GPR173: variants seen among roughly 807,000 people sequenced by gnomAD.
GPR173 encodes the protein probable G protein-coupled receptor 173.
In GPR173, 2 loss-of-function variants were observed where a neutral mutation model predicts 13.9. The ratio of observed to expected loss-of-function variants is 0.14; its 90% confidence interval spans 0.06 to 0.45. GPR173 has a LOEUF of 0.45. GPR173 is among the 20% of genes least tolerant of loss of function. The pLI is 0.98. For synonymous variants in GPR173, 131 were observed against 141.0 expected (o/e 0.93, Z 0.50); for missense variants, 202 against 340.5 (o/e 0.59, Z 3.20).
At chrX:53,049,751 G>A (rs1359441546) in intron 1 of GPR173, among the ~76,000 whole-genome samples, 4 of 111,846 alleles carry the variant, frequency 3.6e-5, no homozygotes, top group Non-Finnish European at 7.5e-5. Context: ...CATCATGGTT[G>A]CGTTTGGGCA....
intron 1 of GPR173, among the ~76,000 whole-genome samples, chrX:53,060,006 A>G (rs1932099451): frequency 1.0e-5 from 1 of 97,566 alleles, no homozygotes; most frequent in African/African-American, 4.0e-5. Flanking sequence ...AACAAAACAA[A>G]GTGTATATTA....
intron 1 of GPR173, among the ~76,000 whole-genome samples, chrX:53,064,748 T>G: frequency 9.0e-6 from 1 of 111,233 alleles, no homozygotes. Flanking sequence ...TGGGTAGAAC[T>G]CATCCTTTTA....
At chrX:53,063,896 A>G (rs1388919530) in intron 1 of GPR173, among the ~76,000 whole-genome samples, 1 of 111,489 alleles carries the variant, frequency 9.0e-6, no homozygotes, top group Non-Finnish European at 1.9e-5. Context: ...GGGATTAGAA[A>G]CAAAGCTAAG....
chrX:53,067,810 C>G (rs1469295614), intron 1 of GPR173, among the ~76,000 whole-genome samples: 1 of 68,841 alleles, frequency 1.5e-5, no homozygotes, highest in Non-Finnish European at 2.5e-5. Context: ...GGCGACAGAG[C>G]GAGACTCCAT....
At chrX:53,065,373 G>A (rs1932172249) in intron 1 of GPR173, 1 of 111,922 alleles carries the variant, frequency 8.9e-6, no homozygotes, top group African/African-American at 3.2e-5. Context: ...CACAAGCTTT[G>A]GGGTCATCAG....
intron 1 of GPR173, among the ~76,000 whole-genome samples, chrX:53,059,085 T>C (rs1046054978): frequency 9.4e-5 from 10 of 105,993 alleles, no homozygotes; most frequent in Non-Finnish European, 1.4e-4. Flanking sequence ...CCGTCTCTAC[T>C]AAAAATACAA....
rs906132205 is a variant in GPR173 at position 53,048,965 on chromosome X, C to A, written c.-617C>A. 14 of 109,511 alleles carry A rather than the reference C, an allele frequency of 1.3e-4. No individual in the cohort carries two copies. The highest frequency in any genetic ancestry group is 4.7e-4 in the African/African-American group (14 of 30,103). 9.0% of individuals were successfully genotyped at this position (109,511 alleles called of 1,213,427 possible). A position where few individuals can be genotyped will look rare whatever the true frequency, so the allele number is the denominator to read the frequency against. On this transcript the variant is annotated 5_prime_UTR_variant, in exon 1 of 2. Coordinates refer to ENST00000332582, the MANE Select transcript of GPR173 (RefSeq NM_018969.6). ...TGGCCCGTGTGCTCCCAGGGAGGAG[C>A]CCCGGACCCTGAGCATCTGCTGGAG...
rs781856503 is a variant in GPR173, at chrX:53,053,237, T to G, written c.-98+3753T>G. ...AATGTCTGCATATCTATACTTCATG[T>G]CATTTACAAGCATGTGCATATCTAG... On this transcript the variant is annotated intron_variant, in intron 1 of 1. Coordinates refer to ENST00000332582, the MANE Select transcript of GPR173 (RefSeq NM_018969.6). Among the ~76,000 whole-genome samples, 22 of 113,035 alleles carry G rather than the reference T, an allele frequency of 1.9e-4. No homozygotes were observed. In the South Asian group the frequency reaches 7.9e-3, roughly 41 times the overall value.
At chrX:53,067,403 C>T (rs1326722765) in intron 1 of GPR173, among the ~76,000 whole-genome samples, 1 of 112,124 alleles carries the variant, frequency 8.9e-6, no homozygotes, top group African/African-American at 3.2e-5. Context: ...TATTCTAACC[C>T]ATCTCATAAA....
intron 1 of GPR173, among the ~76,000 whole-genome samples, chrX:53,054,706 A>G (rs950699075): frequency 3.7e-5 from 4 of 107,600 alleles, no homozygotes; most frequent in Non-Finnish European, 7.7e-5. Context: ...GTGTGTGAGT[A>G]TGGGTTTATC....
intron 1 of GPR173, among the ~76,000 whole-genome samples, chrX:53,076,076 C>A (rs782248662): frequency 3.6e-5 from 4 of 111,216 alleles, no homozygotes; most frequent in Non-Finnish European, 5.7e-5. Flanking sequence ...AAACAGGTAA[C>A]CAAAGACATC....
intron 1 of GPR173, among the ~76,000 whole-genome samples, chrX:53,074,713 ATATT>A (rs1292236816): frequency 9.9e-5 from 9 of 91,196 alleles, no homozygotes; most frequent in South Asian, 9.5e-4. Context: ...ATATATATTT[ATATT>A]TATTTATTTG....
At chrX:53,062,572 C>CTT (rs1165015535) in intron 1 of GPR173, among the ~76,000 whole-genome samples, 18 of 41,010 alleles carry the variant, frequency 4.4e-4, no homozygotes, top group South Asian at 1.1e-3. Flanking sequence ...TTGTCTTCTT[C>CTT]TTTTTTTTTT....
In GPR173 at chrX:53,066,156, T is replaced by G. The variant is rs781995525; in HGVS notation, c.-97-10369T>G. Among the ~76,000 whole-genome samples the G allele has an allele frequency of 4.5e-5, 5 of 111,511 alleles. No individual in the cohort carries two copies. In the East Asian group the frequency reaches 1.1e-3, roughly 25 times the overall value. On this transcript the variant is annotated intron_variant, in intron 1 of 1. Transcript: ENST00000332582. Reference sequence around the variant, plus strand: ...TTGAATGCAACAGAAAATTTTCATTTTGTGTATCTTAAAATAATGATGAAG... The same window carrying G: ...TTGAATGCAACAGAAAATTTTCATTGTGTGTATCTTAAAATAATGATGAAG...
At chrX:53,052,434 AGTAT>A (rs1271235322) in intron 1 of GPR173, among the ~76,000 whole-genome samples, 4 of 110,713 alleles carry the variant, frequency 3.6e-5, no homozygotes, top group Non-Finnish European at 7.6e-5. Flanking sequence ...TGAATTTCTG[AGTAT>A]GTGAGTGTGA....
rs191250045 is a variant in GPR173, at chrX:53,063,680, C to T, written c.-97-12845C>T. On this transcript the variant is annotated intron_variant, in intron 1 of 1. Transcript: ENST00000332582. ...GTCATGTGGCATCTCAAACATTTTG[C>T]TGCTTAGATATTTTTTCTGCTATAT... Among the ~76,000 whole-genome samples, 26 of 111,909 alleles carry T rather than the reference C, an allele frequency of 2.3e-4. 1 individual carries two copies. The East Asian group carries it at 5.9e-3, about 25-fold the overall frequency.
chrX:53,062,031 C>T (rs1194614606), intron 1 of GPR173, among the ~76,000 whole-genome samples: 1 of 90,594 alleles, frequency 1.1e-5, no homozygotes, highest in Non-Finnish European at 2.1e-5. Flanking sequence ...GAAAAGGGAG[C>T]CAAACTCATC....
Position 53,079,491 on chromosome X carries a change from C to T in GPR173, c.*1748C>T, listed in dbSNP as rs1157607559. The T allele has an allele frequency of 8.3e-6, 1 of 121,097 alleles. No homozygotes were observed. Among genetic ancestry groups the T allele is most frequent in the Non-Finnish European group, 1.9e-5 (1 of 52,894 alleles). The allele number at this position is 121,097 out of a possible 1,213,427, so 10.0% of individuals were successfully genotyped here. ...ATAGGGTACATTTAGGAGGGTTTTC[C>T]TCCATTTCTTTTTTCTAACTGCCTG... On this transcript the variant is annotated 3_prime_UTR_variant, in exon 2 of 2. Coordinates refer to ENST00000332582, the MANE Select transcript of GPR173 (RefSeq NM_018969.6).
At chrX:53,052,610 T>TACAC (rs1556802860) in intron 1 of GPR173, among the ~76,000 whole-genome samples, 1 of 108,472 alleles carries the variant, frequency 9.2e-6, no homozygotes, top group African/African-American at 3.4e-5. Context: ...CACGTGTGTG[T>TACAC]GTGTGTGTGT....
Sources: gnomAD v4.1 joint callset for allele counts (sites outside exome capture counted in the v4.1 genomes callset) on GRCh38, gnomAD v4.1.1 for gene constraint, MANE v1.5 for transcripts, NCBI Gene and HGNC (gene_info 2026-07-23, HGNC 2026-07-21) for gene names.